The following NAA16 variants were observed in gnomAD, a reference collection of about 807,000 sequenced individuals.
NAA16 encodes the protein N-alpha-acetyltransferase 16, NatA auxiliary subunit.
Under a neutral mutation model 110.3 loss-of-function variants are expected in NAA16, and 97 were observed. The observed-to-expected ratio is 0.88, with a 90% CI of 0.75 to 1.04. NAA16 has a LOEUF of 1.04. NAA16 is among the 50% of genes least tolerant of loss of function. NAA16 has a pLI of 0.00. For missense variants in NAA16, 1,017 were observed against 1,005.1 expected (o/e 1.01, Z -0.16); for synonymous variants, 372 against 330.6 (o/e 1.13, Z -1.36).
intron 6 of NAA16, among the ~76,000 whole-genome samples, chr13:41,327,113 T>C (rs2042113587): frequency 6.6e-6 from 1 of 152,170 alleles, no homozygotes; most frequent in Admixed American, 6.5e-5. Flanking sequence ...TATGTTTTTT[T>C]TCCCATACCT....
In NAA16 at chr13:41,323,679, C is replaced by T. The variant is rs865994295; in HGVS notation, c.537+489C>T. Among the ~76,000 whole-genome samples the T allele has an allele frequency of 2.6e-4, 39 of 150,490 alleles. No homozygotes were observed. The South Asian group carries it at 8.0e-3, about 31-fold the overall frequency. ...TTTTTTTTTTTTTAAGAGACGGGGTCTTGCGATGTTGTCCAGGCTGGTCTC... is the reference window on the plus strand; with the variant it reads ...TTTTTTTTTTTTTAAGAGACGGGGTTTTGCGATGTTGTCCAGGCTGGTCTC... On this transcript the variant is annotated intron_variant, in intron 5 of 19. Transcript: ENST00000379406.
At chr13:41,374,147 T>C (rs2043380524) in intron 18 of NAA16, among the ~76,000 whole-genome samples, 1 of 151,934 alleles carries the variant, frequency 6.6e-6, no homozygotes, top group African/African-American at 2.4e-5. Context: ...TTTTCTTTTT[T>C]TTTTTTTTCT....
intron 9 of NAA16, among the ~76,000 whole-genome samples, chr13:41,337,294 A>G (rs2042405628): frequency 6.6e-6 from 1 of 152,170 alleles, no homozygotes. Context: ...CTGTAATCCT[A>G]GCACTTTGGG....
At chr13:41,336,507 TTTAC>T (rs2042385095) in intron 8 of NAA16, 139 bp from the exon 9 acceptor site, 1 of 554,086 alleles carries the variant, frequency 1.8e-6, no homozygotes, top group African/African-American at 1.9e-5. Context: ...GTTGATAACT[TTTAC>T]TTAAAACTAT....
chr13:41,373,764 T>TA lies in NAA16; in HGVS notation c.2283_2284insA (p.Gln762ThrfsTer8). On this transcript the variant is annotated frameshift_variant, in exon 18 of 20. Transcript: ENST00000379406. LOFTEE classifies it high-confidence loss of function. ...TTCTGAAACGTAACGCTACCTCTCTTCAGCATCTACTTTCAGGTTTGTTTG... is the reference window on the plus strand; with the variant it reads ...TTCTGAAACGTAACGCTACCTCTCTTACAGCATCTACTTTCAGGTTTGTTTG... 6.2e-7 allele frequency: 1 copy of TA among 1,601,564 alleles called. No individual in the cohort carries two copies. Among genetic ancestry groups the TA allele is most frequent in the Non-Finnish European group, 8.5e-7 (1 of 1,176,232 alleles).
Position 41,311,866 on chromosome 13 carries a change from A to G in NAA16, c.54+284A>G, listed in dbSNP as rs1208429931. Reference sequence around the variant, plus strand: ...ACGCCGCTCTCCGCAGTGCCCGGGCACAGCCGCCTCGGCCGGTAGTGGCTG... The same window carrying G: ...ACGCCGCTCTCCGCAGTGCCCGGGCGCAGCCGCCTCGGCCGGTAGTGGCTG... On this transcript the variant is annotated intron_variant, in intron 1 of 19. Coordinates refer to ENST00000379406, the MANE Select transcript of NAA16 (RefSeq NM_024561.5). Among the ~76,000 whole-genome samples the G allele has an allele frequency of 2.6e-5, 4 of 152,188 alleles. No individual in the cohort carries two copies. In the East Asian group the frequency reaches 7.7e-4, roughly 29 times the overall value.
intron 8 of NAA16, among the ~76,000 whole-genome samples, chr13:41,335,734 C>T (rs1033592657): frequency 6.6e-6 from 1 of 152,066 alleles, no homozygotes; most frequent in Non-Finnish European, 1.5e-5. Context: ...AACATAGTCA[C>T]AACAAATAAA....
At chr13:41,355,537 C>T (rs1211558121) in intron 10 of NAA16, among the ~76,000 whole-genome samples, 1 of 152,178 alleles carries the variant, frequency 6.6e-6, no homozygotes. Flanking sequence ...TCAACTGATG[C>T]TCCTGCCTTA....
rs1555290980 is a variant in NAA16, at chr13:41,373,632, TA to T, written c.2156-4del. On this transcript the variant is annotated splice_polypyrimidine_tract_variant and splice_region_variant and intron_variant, in intron 17 of 19. Coordinates refer to ENST00000379406, the MANE Select transcript of NAA16 (RefSeq NM_024561.5). ...CAAAAAATCCAAATGTTTTTGTTTT[TA>T]TAGTGTCTAATCATAGTAATCTTCC... 9.5e-6 allele frequency: 15 copies of T among 1,572,900 alleles called. No individual in the cohort carries two copies. The highest frequency in any genetic ancestry group is 1.4e-5 in the African/African-American group (1 of 71,888).
chr13:41,329,882 C>A (rs1382939455), intron 7 of NAA16, among the ~76,000 whole-genome samples: 2 of 152,050 alleles, frequency 1.3e-5, no homozygotes, highest in East Asian at 3.9e-4. Context: ...TTCTTGGTTA[C>A]TATAAAATGT....
At chr13:41,344,653 A>G (rs2139453197) in intron 9 of NAA16, among the ~76,000 whole-genome samples, 1 of 152,324 alleles carries the variant, frequency 6.6e-6, no homozygotes, top group South Asian at 2.1e-4. Context: ...TGTCCTATGC[A>G]TTGTAGGATG....
intron 8 of NAA16, 53 bp from the exon 9 acceptor site, chr13:41,336,597 T>G: frequency 9.2e-7 from 1 of 1,091,116 alleles, no homozygotes; most frequent in Non-Finnish European, 1.3e-6. Context: ...GAAAATCATT[T>G]TAAGAATTGT....
At chr13:41,372,925 C>A in intron 17 of NAA16, 95 bp downstream of exon 17, 1 of 1,248,126 alleles carries the variant, frequency 8.0e-7, no homozygotes, top group Non-Finnish European at 1.0e-6. Context: ...ATTTAATAAC[C>A]CTCTCTTTGT....
intron 5 of NAA16, among the ~76,000 whole-genome samples, chr13:41,325,062 A>T (rs1316973628): frequency 1.4e-5 from 2 of 147,564 alleles, no homozygotes; most frequent in South Asian, 4.3e-4. Context: ...GGCTTAAGCG[A>T]TTCTTCTGCC....
intron 15 of NAA16, among the ~76,000 whole-genome samples, chr13:41,370,826 A>T (rs1022735715): frequency 6.6e-6 from 1 of 152,118 alleles, no homozygotes; most frequent in African/African-American, 2.4e-5. Flanking sequence ...TATGCCTGGT[A>T]CTCTATGGAA....
intron 15 of NAA16, 88 bp downstream of exon 15, chr13:41,369,371 G>GT (rs2043271551): frequency 5.0e-6 from 6 of 1,191,936 alleles, no homozygotes; most frequent in Non-Finnish European, 6.8e-6. Context: ...ATTTAAATCT[G>GT]TAAGAAGCCA....
intron 5 of NAA16, among the ~76,000 whole-genome samples, chr13:41,324,583 C>A (rs2042039514): frequency 1.3e-5 from 2 of 151,340 alleles, no homozygotes; most frequent in South Asian, 4.2e-4. Context: ...ATCATGTTGG[C>A]CAGGCTGGTC....
At chr13:41,325,908 T>C (rs1373905875) in intron 6 of NAA16, 57 bp downstream of exon 6, 3 of 1,393,586 alleles carry the variant, frequency 2.2e-6, no homozygotes, top group Non-Finnish European at 2.9e-6. Context: ...AAACTATATA[T>C]TTTATTCTCT....
rs1180357515 is a variant in NAA16 at position 41,340,676 on chromosome 13, T to G, written c.1014+3920T>G. On this transcript the variant is annotated intron_variant, in intron 9 of 19. Coordinates refer to ENST00000379406, the MANE Select transcript of NAA16 (RefSeq NM_024561.5). ...TTTTTTTTTTTTTTTTTTTTTTTTT[T>G]TTTTTTTTTTTTTTTCCGAGACGGA... Among the ~76,000 whole-genome samples, 114 of 19,158 alleles carry G rather than the reference T, an allele frequency of 6.0e-3. 4 individuals are homozygous for G. Among genetic ancestry groups the G allele is most frequent in the Admixed American group, 0.02 (27 of 1,330 alleles). The allele number at this position is 19,158 out of a possible 152,430, so 12.6% of individuals were successfully genotyped here. A position where few individuals can be genotyped will look rare whatever the true frequency, so the allele number is the denominator to read the frequency against.
Sources: allele counts gnomAD v4.1 joint callset (sites outside exome capture counted in the v4.1 genomes callset), GRCh38; gene constraint gnomAD v4.1.1; transcripts MANE v1.5; gene names NCBI Gene and HGNC (gene_info 2026-07-23, HGNC 2026-07-21).